SRBD1: variants seen among roughly 807,000 people sequenced by gnomAD.
The protein encoded by SRBD1 is S1 RNA-binding domain-containing protein 1.
SRBD1 carries 88 observed loss-of-function variants against 115.3 expected under a neutral mutation model. The ratio of observed to expected loss-of-function variants is 0.76; its 90% confidence interval spans 0.64 to 0.91. The LOEUF is 0.91. Ranked by LOEUF, SRBD1 falls within the 40% of genes least tolerant of loss-of-function variation. The probability of loss-of-function intolerance (pLI) is 0.00; values close to 1 mark genes in which losing one functional copy is unlikely to be tolerated. For synonymous variants in SRBD1, 509 were observed against 407.7 expected, an observed-to-expected ratio of 1.25 and a Z score of -2.99; for missense variants, 1,385 against 1,177.4, an observed-to-expected ratio of 1.18 and a Z score of -2.58.
At chr2:45,435,884 C>T (rs892185605) in intron 16 of SRBD1, among the ~76,000 whole-genome samples, 8 of 152,186 alleles carry the variant, frequency 5.3e-5, no homozygotes, top group South Asian at 2.1e-4. Flanking sequence ...AAAATAGAAG[C>T]GGAGGGAATA....
At chr2:45,572,661 C>T (rs566938859) in intron 9 of SRBD1, among the ~76,000 whole-genome samples, 5 of 152,096 alleles carry the variant, frequency 3.3e-5, no homozygotes, top group South Asian at 2.1e-4. Context: ...TAAATATAAA[C>T]GCCAGTGTTA....
At chr2:45,571,886 C>A (rs1210609754) in intron 9 of SRBD1, among the ~76,000 whole-genome samples, 1 of 151,954 alleles carries the variant, frequency 6.6e-6, no homozygotes, top group African/African-American at 2.4e-5. Context: ...AGGCTGAGAC[C>A]TGTGAGACAC....
intron 2 of SRBD1, among the ~76,000 whole-genome samples, chr2:45,604,279 A>G (rs1674192681): frequency 6.6e-6 from 1 of 151,796 alleles, no homozygotes; most frequent in African/African-American, 2.4e-5. Flanking sequence ...CTTCAAATAA[A>G]ATTCTAATAC....
At chr2:45,426,808 A>G (rs2103658729) in intron 16 of SRBD1, among the ~76,000 whole-genome samples, 1 of 152,314 alleles carries the variant, frequency 6.6e-6, no homozygotes, top group South Asian at 2.1e-4. Context: ...ATCAACATCA[A>G]CAAAAAGGAC....
chr2:45,418,806 G>A (rs1038536859), intron 17 of SRBD1, among the ~76,000 whole-genome samples: 2 of 152,008 alleles, frequency 1.3e-5, no homozygotes, highest in African/African-American at 4.8e-5. Flanking sequence ...TAACACTGAT[G>A]CAAGAAAAAA....
intron 14 of SRBD1, among the ~76,000 whole-genome samples, chr2:45,510,789 A>AT (rs567053162): frequency 1.3e-5 from 2 of 152,266 alleles, no homozygotes; most frequent in South Asian, 2.1e-4. Context: ...AGTACAAGAA[A>AT]TTTTTTTTCT....
intron 5 of SRBD1, among the ~76,000 whole-genome samples, chr2:45,584,607 C>G (rs1285214346): frequency 6.6e-6 from 1 of 152,100 alleles, no homozygotes; most frequent in East Asian, 1.9e-4. Flanking sequence ...TTAATCAGAT[C>G]TTTTTTGTAC....
At chr2:45,399,720 A>T (rs1212822285) in intron 19 of SRBD1, among the ~76,000 whole-genome samples, 1 of 152,134 alleles carries the variant, frequency 6.6e-6, no homozygotes, top group Non-Finnish European at 1.5e-5. Flanking sequence ...TTTTAAACCA[A>T]ATTCAAAAGG....
intron 14 of SRBD1, among the ~76,000 whole-genome samples, chr2:45,542,785 C>T (rs1671988618): frequency 6.6e-6 from 1 of 152,170 alleles, no homozygotes. Flanking sequence ...TAGCAAAAAA[C>T]TAGCAACAAC....
intron 15 of SRBD1, among the ~76,000 whole-genome samples, chr2:45,481,735 A>C (rs1669972531): frequency 2.0e-5 from 3 of 152,188 alleles, no homozygotes; most frequent in Non-Finnish European, 4.4e-5. Context: ...CTGATGACTA[A>C]ACAAAATGTT....
intron 19 of SRBD1, among the ~76,000 whole-genome samples, chr2:45,412,631 C>T (rs1261981354): frequency 1.3e-5 from 2 of 152,152 alleles, no homozygotes; most frequent in African/African-American, 4.8e-5. Flanking sequence ...ATACCGTAAA[C>T]TTCCCTTCTA....
At chr2:45,509,165 T>G (rs531179789) in intron 14 of SRBD1, among the ~76,000 whole-genome samples, 1 of 152,310 alleles carries the variant, frequency 6.6e-6, no homozygotes, top group Admixed American at 6.5e-5. Context: ...ATCATCTACC[T>G]ACCCTAATCT....
At chr2:45,403,315 G>A (rs1667340453) in intron 19 of SRBD1, among the ~76,000 whole-genome samples, 1 of 138,054 alleles carries the variant, frequency 7.2e-6, no homozygotes, top group Non-Finnish European at 1.6e-5. Context: ...ATTGACCACA[G>A]CCAGTTTAGA....
intron 20 of SRBD1, among the ~76,000 whole-genome samples, chr2:45,390,483 T>C (rs1357005305): frequency 1.3e-5 from 2 of 152,204 alleles, no homozygotes; most frequent in Non-Finnish European, 2.9e-5. Flanking sequence ...ACAGTTAGAG[T>C]TAGAACTAAC....
chr2:45,465,749 G>GTTACAGTGCATTACA (rs2103787271), intron 16 of SRBD1, among the ~76,000 whole-genome samples: 1 of 152,252 alleles, frequency 6.6e-6, no homozygotes, highest in South Asian at 2.1e-4. Flanking sequence ...CTGAATGCAT[G>GTTACAGTGCATTACA]TTACAGTGCA....
chr2:45,507,443 C>T (rs973277962), intron 14 of SRBD1, among the ~76,000 whole-genome samples: 8 of 152,014 alleles, frequency 5.3e-5, no homozygotes, highest in South Asian at 2.1e-4. Context: ...TTAGGCTGGG[C>T]GCGGCGGCTC....
intron 18 of SRBD1, among the ~76,000 whole-genome samples, chr2:45,414,175 T>C (rs34654410): frequency 0.086 from 13,039 of 152,166 alleles, 704 homozygotes; most frequent in Middle Eastern, 0.14. Context: ...TAGAATCGCA[T>C]ACCTAGTCAA....
intron 2 of SRBD1, 94 bp downstream of exon 2, chr2:45,605,268 A>G: frequency 7.9e-7 from 1 of 1,263,282 alleles, no homozygotes; most frequent in South Asian, 1.4e-5. Context: ...TTTTCTACCC[A>G]CATCACTTAA....
intron 9 of SRBD1, among the ~76,000 whole-genome samples, chr2:45,568,597 G>A (rs1361819643): frequency 2.0e-5 from 3 of 152,156 alleles, no homozygotes; most frequent in Non-Finnish European, 2.9e-5. Context: ...AGAAGCCTGT[G>A]TCAATCATAA....
Sources: allele counts gnomAD v4.1 joint callset (sites outside exome capture counted in the v4.1 genomes callset), GRCh38; gene constraint gnomAD v4.1.1; transcripts MANE v1.5; gene names NCBI Gene and HGNC (gene_info 2026-07-23, HGNC 2026-07-21).